RBM19: variants seen among roughly 807,000 people sequenced by gnomAD.
RBM19 encodes RNA binding motif protein 19, also known as probable RNA-binding protein 19.
In RBM19, 94 loss-of-function variants were observed where a neutral mutation model predicts 116.8. That is an observed-to-expected ratio of 0.80 (90% CI 0.68 to 0.95). RBM19 has a LOEUF of 0.95. Among genes scored for constraint, RBM19 ranks in the 40% least tolerant of loss-of-function variants. RBM19 has a pLI of 0.00. For synonymous variants in RBM19, 475 were observed against 494.1 expected, an observed-to-expected ratio of 0.96 and a Z score of 0.51; for missense variants, 1,161 against 1,220.7, an observed-to-expected ratio of 0.95 and a Z score of 0.73.
intron 23 of RBM19, among the ~76,000 whole-genome samples, chr12:113,826,609 C>G (rs563542327): frequency 9.3e-4 from 141 of 152,304 alleles, no homozygotes; most frequent in African/African-American, 2.2e-3. Flanking sequence ...CCACCTAAGG[C>G]TTTCTGGTCT....
chr12:113,926,387 T>C (rs1869073697), intron 17 of RBM19, among the ~76,000 whole-genome samples: 1 of 152,176 alleles, frequency 6.6e-6, no homozygotes, highest in South Asian at 2.1e-4. Context: ...AAAAACCCAC[T>C]GAGTGTTTAT....
At chr12:113,907,264 A>G (rs1240990256) in intron 21 of RBM19, among the ~76,000 whole-genome samples, 1 of 152,100 alleles carries the variant, frequency 6.6e-6, no homozygotes, top group Non-Finnish European at 1.5e-5. Context: ...TTATTTGTTC[A>G]TTTGTTTACT....
intron 23 of RBM19, among the ~76,000 whole-genome samples, chr12:113,829,003 C>CT (rs5801007): frequency 0.16 from 23,467 of 146,070 alleles, 1,974 homozygotes; most frequent in South Asian, 0.26. Context: ...AGGGCTGTGC[C>CT]TTTTTTTTTT....
intron 9 of RBM19, among the ~76,000 whole-genome samples, chr12:113,949,783 G>A (rs1018231137): frequency 2.6e-5 from 4 of 152,162 alleles, no homozygotes; most frequent in African/African-American, 2.4e-5. Context: ...TTAAAGCCAA[G>A]CCTCCTCCAA....
chr12:113,962,382 G>T lies in RBM19; in HGVS notation c.69C>A (p.Ala23=). The change falls in exon 2 of 24, where the codon GCC becomes GCA. Residue 23 remains alanine (A), a synonymous_variant. Transcript: ENST00000261741. The part of the protein sequence containing the change: ...MKEERFRQLF[A]AFGTLTDCSL... ...TGCAGTCTGTCAGCGTGCCGAAGGCGGCAAACAGCTGCCTGAAACGCTCCT... is the reference window on the plus strand; with the variant it reads ...TGCAGTCTGTCAGCGTGCCGAAGGCTGCAAACAGCTGCCTGAAACGCTCCT... 1 of 1,614,150 alleles carries T rather than the reference G, an allele frequency of 6.2e-7. No homozygotes were observed. Among genetic ancestry groups the T allele is most frequent in the Non-Finnish European group, 8.5e-7 (1 of 1,179,960 alleles).
intron 21 of RBM19, among the ~76,000 whole-genome samples, chr12:113,861,230 G>A (rs12422921): frequency 6.6e-6 from 1 of 152,132 alleles, no homozygotes; most frequent in Non-Finnish European, 1.5e-5. Flanking sequence ...CTTTCTTCCC[G>A]AGTCTCGGCC....
chr12:113,913,431 C>T (rs1278415260), intron 21 of RBM19, among the ~76,000 whole-genome samples: 1 of 152,264 alleles, frequency 6.6e-6, no homozygotes, highest in South Asian at 2.1e-4. Flanking sequence ...GCAGGATACC[C>T]GGAGATCATA....
intron 21 of RBM19, among the ~76,000 whole-genome samples, chr12:113,871,981 C>T (rs1265731078): frequency 8.1e-5 from 12 of 148,522 alleles, no homozygotes; most frequent in East Asian, 6.5e-4. Flanking sequence ...TCTGCCTGGC[C>T]GCCCATCGTC....
chr12:113,824,063 G>T (rs943706609), intron 23 of RBM19, among the ~76,000 whole-genome samples: 2 of 152,172 alleles, frequency 1.3e-5, no homozygotes, highest in Admixed American at 6.5e-5. Flanking sequence ...GGGATTCAGG[G>T]TCATGAAGAA....
At chr12:113,924,276 A>G (rs1389725997) in intron 18 of RBM19, among the ~76,000 whole-genome samples, 1 of 152,218 alleles carries the variant, frequency 6.6e-6, no homozygotes, top group African/African-American at 2.4e-5. Flanking sequence ...CAACTGGGTT[A>G]TCTCCCTCAG....
intron 21 of RBM19, among the ~76,000 whole-genome samples, chr12:113,889,921 C>T (rs1223752436): frequency 1.3e-5 from 2 of 151,842 alleles, no homozygotes; most frequent in African/African-American, 4.8e-5. Context: ...AAGGCGTAAT[C>T]GATCAGAGAG....
chr12:113,843,285 C>T (rs1273852504), intron 23 of RBM19, among the ~76,000 whole-genome samples: 2 of 152,286 alleles, frequency 1.3e-5, no homozygotes, highest in Non-Finnish European at 2.9e-5. Context: ...GCAAACACCC[C>T]TAGTCTGTAC....
downstream of RBM19, among the ~76,000 whole-genome samples, chr12:113,820,270 T>C (rs1427983479): frequency 7.0e-6 from 1 of 143,172 alleles, no homozygotes; most frequent in Non-Finnish European, 1.5e-5. Flanking sequence ...AAATTGCAAA[T>C]TTAAGGAAGT....
intron 21 of RBM19, among the ~76,000 whole-genome samples, chr12:113,870,366 C>T (rs1044025874): frequency 7.9e-5 from 12 of 152,136 alleles, no homozygotes; most frequent in African/African-American, 2.7e-4. Flanking sequence ...CTGAAAGGGC[C>T]CTATCAATTT....
At chr12:113,877,089 C>T (rs1200811761) in intron 21 of RBM19, among the ~76,000 whole-genome samples, 1 of 152,226 alleles carries the variant, frequency 6.6e-6, no homozygotes, top group Non-Finnish European at 1.5e-5. Flanking sequence ...GCTGCCCCTG[C>T]AGCCACAAGG....
At chr12:113,900,967 C>T (rs949471550) in intron 21 of RBM19, among the ~76,000 whole-genome samples, 1 of 152,134 alleles carries the variant, frequency 6.6e-6, no homozygotes, top group Non-Finnish European at 1.5e-5. Flanking sequence ...TGGCTTTGTG[C>T]CCATCCTGCA....
At position 113,958,048 on chromosome 12, in the gene RBM19, C is replaced by G. The variant is rs769503227; in HGVS notation, c.574G>C (p.Glu192Gln). 4 of 1,604,786 alleles carry G rather than the reference C, an allele frequency of 2.5e-6. No homozygotes were observed. In the Admixed American group the frequency reaches 6.9e-5, roughly 28 times the overall value. The change falls in exon 6 of 24, where the codon GAG becomes CAG. Residue 192 changes from glutamate (E) to glutamine (Q), a missense_variant and splice_region_variant. By Grantham distance (29) the Glu-to-Gln change is conservative. Transcript: ENST00000261741. The stretch of plus-strand genomic sequence containing the variant: ...GCTGCCTTTGGTTCGAGGCTTGCCT[C>G]TTCTGGAAAAACAGGGAAGCTGGGA... ...EEGAGEDLEE[E>Q]ASLEPKAAVQ...
At chr12:113,933,889 G>A (rs1195176707) in intron 16 of RBM19, among the ~76,000 whole-genome samples, 2 of 152,192 alleles carry the variant, frequency 1.3e-5, no homozygotes, top group Non-Finnish European at 2.9e-5. Context: ...ACCCAGCTCG[G>A]CTGCTGGCTT....
intron 21 of RBM19, among the ~76,000 whole-genome samples, chr12:113,862,855 T>C (rs545859938): frequency 2.9e-4 from 44 of 152,180 alleles, no homozygotes; most frequent in African/African-American, 9.2e-4. Context: ...CAGCCCTCCT[T>C]CCCTCCCCCA....
Sources: allele counts gnomAD v4.1 joint callset (sites outside exome capture counted in the v4.1 genomes callset), GRCh38; gene constraint gnomAD v4.1.1; transcripts MANE v1.5; gene names NCBI Gene and HGNC (gene_info 2026-07-23, HGNC 2026-07-21).